ADARB1: variants seen among roughly 807,000 people sequenced by gnomAD.
The protein encoded by ADARB1 is adenosine deaminase RNA specific B1.
In ADARB1, 10 loss-of-function variants were observed where a neutral mutation model predicts 52.4. The observed-to-expected ratio is 0.19, with a 90% confidence interval of 0.12 to 0.32. The LOEUF is 0.32. Among genes scored for constraint, ADARB1 ranks in the 10% least tolerant of loss-of-function variants. ADARB1 has a pLI of 1.00. For missense variants in ADARB1, 643 were observed against 922.3 expected (o/e 0.70, Z 3.92); for synonymous variants, 349 against 371.1 (o/e 0.94, Z 0.68).
At chr21:45,175,649 G>A in intron 3 of ADARB1, 81 bp from the exon 4 acceptor site, 1 of 1,386,676 alleles carries the variant, frequency 7.2e-7, no homozygotes. Flanking sequence ...GTTACAAAGA[G>A]AGCTAAAGGA....
At chr21:45,119,970 C>T (rs2088065696) in intron 1 of ADARB1, among the ~76,000 whole-genome samples, 1 of 152,180 alleles carries the variant, frequency 6.6e-6, no homozygotes, top group Non-Finnish European at 1.5e-5. Context: ...ACTTTGTGGC[C>T]CCCACGTGGG....
chr21:45,123,397 A>C (rs1206943304), intron 1 of ADARB1, among the ~76,000 whole-genome samples: 1 of 152,138 alleles, frequency 6.6e-6, no homozygotes, highest in Non-Finnish European at 1.5e-5. Flanking sequence ...TCAACTTCCT[A>C]GGCATAGGTG....
chr21:45,097,749 C>T (rs1246119686), intron 1 of ADARB1, among the ~76,000 whole-genome samples: 1 of 151,998 alleles, frequency 6.6e-6, no homozygotes, highest in Non-Finnish European at 1.5e-5. Flanking sequence ...GACTTGGGGG[C>T]ACTCAAGGGG....
At chr21:45,192,997 C>T (rs879809060) in intron 8 of ADARB1, among the ~76,000 whole-genome samples, 2 of 152,188 alleles carry the variant, frequency 1.3e-5, no homozygotes, top group Non-Finnish European at 2.9e-5. Flanking sequence ...GATGGCTTCA[C>T]TATTGAATTC....
chr21:45,136,755 G>A (rs185727685), intron 2 of ADARB1, among the ~76,000 whole-genome samples: 242 of 152,370 alleles, frequency 1.6e-3, no homozygotes, highest in Non-Finnish European at 2.5e-3. Flanking sequence ...TGGTGTGTGC[G>A]CTGCAGGGAG....
At chr21:45,199,482 G>A (rs2092501736) in intron 8 of ADARB1, among the ~76,000 whole-genome samples, 1 of 152,198 alleles carries the variant, frequency 6.6e-6, no homozygotes, top group South Asian at 2.1e-4. Flanking sequence ...TGCTAGACGT[G>A]GTGCTCGCAG....
chr21:45,149,800 T>A (rs2090190822), intron 2 of ADARB1, among the ~76,000 whole-genome samples: 2 of 152,264 alleles, frequency 1.3e-5, no homozygotes, highest in African/African-American at 4.8e-5. Flanking sequence ...CTGTTGGTGC[T>A]CACGGCCTAA....
chr21:45,182,854 A>C, intron 6 of ADARB1, 101 bp downstream of exon 6: 6 of 1,141,800 alleles, frequency 5.3e-6, no homozygotes, highest in Non-Finnish European at 7.2e-6. Context: ...AATCATGGAA[A>C]ATCTCTCAAA....
Position 45,157,905 on chromosome 21 carries a change from C to T in ADARB1, c.-47-13705C>T, listed in dbSNP as rs1025805097. Among the ~76,000 whole-genome samples the T allele has an allele frequency of 3.2e-4, 48 of 152,176 alleles. No homozygotes were observed. The highest frequency in any genetic ancestry group is 1.1e-3 in the African/African-American group (46 of 41,454). On this transcript the variant is annotated intron_variant, in intron 2 of 10. Coordinates refer to ENST00000348831, the MANE Select transcript of ADARB1 (RefSeq NM_001112.4). This position sits in a 1 kb window ranked among gnomAD's most constrained non-coding sequence, Gnocchi z 4.1. ...AGGTGAGAAAGAATACAGAGAAGCA[C>T]GCAGGAAGCTGTGTGAGTTGGCCCA... is the stretch of plus-strand genomic sequence containing the variant.
Position 45,128,403 on chromosome 21 carries a change from G to A in ADARB1, c.-218G>A, listed in dbSNP as rs1233652805. 6.6e-6 allele frequency: 1 copy of A among 152,232 alleles called. No homozygotes were observed. The highest frequency in any genetic ancestry group is 1.5e-5 in the Non-Finnish European group (1 of 68,038). The allele number at this position is 152,232 out of a possible 1,614,324, so 9.4% of individuals were successfully genotyped here. On this transcript the variant is annotated splice_region_variant and 5_prime_UTR_variant, in exon 2 of 11. The change creates a new upstream start codon in the 5' untranslated region. Transcript: ENST00000348831. This position sits in a 1 kb window ranked among gnomAD's most constrained non-coding sequence, Gnocchi z 4.6. Reference sequence around the variant, plus strand: ...TTACCGAATCTCTCTGTTACACAGAGTGGAGCCTTTCAGGCTGGCATGGAG... The same window carrying A: ...TTACCGAATCTCTCTGTTACACAGAATGGAGCCTTTCAGGCTGGCATGGAG...
At chr21:45,180,740 G>A (rs766608219) in intron 5 of ADARB1, among the ~76,000 whole-genome samples, 5 of 152,288 alleles carry the variant, frequency 3.3e-5, no homozygotes, top group Non-Finnish European at 5.9e-5. Context: ...ATGGCAAGGG[G>A]CTTACTAATT....
chr21:45,182,466 A>G (rs892714001), intron 5 of ADARB1, 119 bp from the exon 6 acceptor site: 2 of 1,099,750 alleles, frequency 1.8e-6, no homozygotes, highest in African/African-American at 3.2e-5. Context: ...ATGAGCTTGA[A>G]AAGTCTGTTG....
intron 1 of ADARB1, among the ~76,000 whole-genome samples, chr21:45,090,584 A>G (rs2123681046): frequency 6.6e-6 from 1 of 152,284 alleles, no homozygotes; most frequent in East Asian, 1.9e-4. Context: ...TCTCTCATGA[A>G]CAGGTATAAG....
At chr21:45,145,845 T>C (rs1013250167) in intron 2 of ADARB1, 2 of 152,270 alleles carry the variant, frequency 1.3e-5, no homozygotes, top group African/African-American at 2.4e-5. Flanking sequence ...CTGAAGATTG[T>C]GCTTTTAGCG....
At chr21:45,075,887 G>A (rs1198464029) in intron 1 of ADARB1, among the ~76,000 whole-genome samples, 1 of 152,146 alleles carries the variant, frequency 6.6e-6, no homozygotes, top group African/African-American at 2.4e-5. Context: ...ACGAAAAGTG[G>A]CATGATATCA....
rs143826821 is a variant in ADARB1 at position 45,176,158 on chromosome 21, C to G, written c.457C>G (p.Leu153Val). The change falls in exon 4 of 11, where the codon CTG becomes GTG. Residue 153 changes from leucine to valine, a missense_variant. Transcript: ENST00000348831. This position sits in a 1 kb window ranked among gnomAD's most constrained non-coding sequence, Gnocchi z 5.8. ...VQFPNASEAH[L>V]AMGRTLSVNT... is the part of the protein sequence containing the mutation. ...GTTTCCTAATGCCTCTGAGGCCCAC[C>G]TGGCCATGGGGAGGACCCTGTCTGT... is the stretch of plus-strand genomic sequence containing the variant. 7.4e-6 allele frequency: 12 copies of G among 1,614,132 alleles called. No individual in the cohort carries two copies. The African/African-American group carries it at 1.2e-4, about 16-fold the overall frequency.
intron 1 of ADARB1, among the ~76,000 whole-genome samples, chr21:45,113,479 A>G (rs574659849): frequency 9.8e-4 from 137 of 139,790 alleles, no homozygotes; most frequent in South Asian, 3.9e-3. Flanking sequence ...ATATATATAT[A>G]TGTGTGTGTG....
Position 45,223,871 on chromosome 21 carries a change from G to T in ADARB1, c.*1674G>T, listed in dbSNP as rs573902517. 1.2e-5 allele frequency: 12 copies of T among 985,528 alleles called. No individual in the cohort carries two copies. Among genetic ancestry groups the T allele is most frequent in the Middle Eastern group, 5.2e-4 (1 of 1,914 alleles). The allele number at this position is 985,528 out of a possible 1,614,324, so 61.0% of individuals were successfully genotyped here. A position where few individuals can be genotyped will look rare whatever the true frequency, so the allele number is the denominator to read the frequency against. On this transcript the variant is annotated 3_prime_UTR_variant, in exon 11 of 11. Coordinates refer to ENST00000348831, the MANE Select transcript of ADARB1 (RefSeq NM_001112.4). ...GAAGGGGTGCTGCTTAGGGCTCATTGTTGGGGACATGACCGGGTTCAGCGG... is the reference window on the plus strand; with the variant it reads ...GAAGGGGTGCTGCTTAGGGCTCATTTTTGGGGACATGACCGGGTTCAGCGG...
intron 2 of ADARB1, among the ~76,000 whole-genome samples, chr21:45,165,952 A>G (rs1032109281): frequency 2.0e-5 from 3 of 152,092 alleles, no homozygotes; most frequent in Non-Finnish European, 2.9e-5. Flanking sequence ...ATCCAGTAAT[A>G]TATGTTAGTA....
Sources: allele counts gnomAD v4.1 joint callset (sites outside exome capture counted in the v4.1 genomes callset), GRCh38; gene constraint gnomAD v4.1.1; non-coding constraint Gnocchi (gnomAD v3.1); transcripts MANE v1.5; gene names NCBI Gene and HGNC (gene_info 2026-07-23, HGNC 2026-07-21).